LUC7L: variants seen among roughly 807,000 people sequenced by gnomAD.
The protein encoded by LUC7L is putative RNA-binding protein Luc7-like 1.
A neutral mutation model predicts 51.1 loss-of-function variants in LUC7L; 29 were observed. The ratio of observed to expected loss-of-function variants is 0.57; its 90% CI spans 0.42 to 0.77. The LOEUF (loss-of-function observed/expected upper bound fraction) is 0.77, where lower values mean the gene tolerates loss of function less well. Ranked by LOEUF, LUC7L falls within the 30% of genes least tolerant of loss-of-function variation. The probability of loss-of-function intolerance (pLI) is 0.00; values close to 1 mark genes in which losing one functional copy is unlikely to be tolerated. For synonymous variants in LUC7L, 181 were observed against 180.7 expected (o/e 1.00, Z -0.01); for missense variants, 403 against 511.9 (o/e 0.79, Z 2.05).
At chr16:228,865 G>C in intron 1 of LUC7L, 1 of 1,303,772 alleles carries the variant, frequency 7.7e-7, no homozygotes, top group South Asian at 1.2e-5. Context: ...AGGCCCATCC[G>C]GCTCCCTCGG....
At chr16:222,174 T>C (rs545446874) in intron 2 of LUC7L, among the ~76,000 whole-genome samples, 2 of 152,224 alleles carry the variant, frequency 1.3e-5, no homozygotes, top group Non-Finnish European at 2.9e-5. Flanking sequence ...TAGGACTCTA[T>C]GCAGACACCT....
intron 4 of LUC7L, 69 bp downstream of exon 4, chr16:208,008 CA>C (rs1023184971): frequency 0.012 from 11,179 of 938,278 alleles, no homozygotes; most frequent in South Asian, 0.013. Flanking sequence ...GACTCCATCT[CA>C]AAAAAAAAAG....
At chr16:228,123 T>A in intron 1 of LUC7L, 2 of 1,140,806 alleles carry the variant, frequency 1.8e-6, no homozygotes, top group Non-Finnish European at 2.2e-6. Context: ...TAAAGTGGTA[T>A]GTGACAAATT....
chr16:214,578 G>A (rs1439855451), intron 3 of LUC7L, among the ~76,000 whole-genome samples: 2 of 152,290 alleles, frequency 1.3e-5, no homozygotes, highest in African/African-American at 4.8e-5. Context: ...CCAGGCTGGA[G>A]CACAGTGGTG....
intron 5 of LUC7L, 123 bp from the exon 6 acceptor site, chr16:199,361 CACAA>C (rs975017866): frequency 1.4e-4 from 89 of 654,258 alleles, no homozygotes; most frequent in Admixed American, 1.2e-3. Context: ...ATTAAAAAAA[CACAA>C]ACAAAACTTC....
chr16:199,390 A>C, intron 5 of LUC7L, 152 bp from the exon 6 acceptor site: 1 of 611,194 alleles, frequency 1.6e-6, no homozygotes, highest in South Asian at 2.2e-5. Flanking sequence ...ATTTATAACC[A>C]ACTCAATTTT....
chr16:190,244 C>T, intron 8 of LUC7L, 109 bp from the exon 9 acceptor site: 3 of 992,100 alleles, frequency 3.0e-6, no homozygotes, highest in Non-Finnish European at 4.4e-6. Flanking sequence ...TTCTCCTTTA[C>T]TCCCACAAAT....
chr16:190,565 C>T lies in LUC7L; in HGVS notation c.782G>A (p.Gly261Glu), dbSNP rs1262709434. 2 of 1,613,340 alleles carry T rather than the reference C, an allele frequency of 1.2e-6. No homozygotes were observed. Among genetic ancestry groups the T allele is most frequent in the Admixed American group, 3.3e-5 (2 of 60,008 alleles). Reference sequence around the variant, plus strand: ...CCTCCTGCGATCTCTGGTTCTTGATCCCGACCTAAAAGGGGGAAAAAAAGA... The same window carrying T: ...CCTCCTGCGATCTCTGGTTCTTGATTCCGACCTAAAAGGGGGAAAAAAAGA... ...EREERLSRRS[G>E]SRTRDRRRSR... The change falls in exon 8 of 10, where the codon GGA becomes GAA. Residue 261 changes from glycine (G) to glutamate (E), a missense_variant. Transcript: ENST00000293872.
rs577361208 is a variant in LUC7L at position 198,243 on chromosome 16, C to T, written c.687+819G>A. ...GCAGTAAGCCGAGATTGGGCCACTG[C>T]ACTCCAGCCTGGGCGACAGAGCGAG... On this transcript the variant is annotated intron_variant, in intron 6 of 9. Transcript: ENST00000293872. Among the ~76,000 whole-genome samples, 222 of 126,208 alleles carry T rather than the reference C, an allele frequency of 1.8e-3. 1 individual carries two copies. Among genetic ancestry groups the T allele is most frequent in the Non-Finnish European group, 1.3e-3 (81 of 63,948 alleles). 82.8% of individuals were successfully genotyped at this position (126,208 alleles called of 152,430 possible).
chr16:200,416 G>GAAA (rs577587041), intron 5 of LUC7L, among the ~76,000 whole-genome samples: 34 of 119,112 alleles, frequency 2.9e-4, no homozygotes, highest in South Asian at 8.4e-4. Flanking sequence ...CGTCTCAAAA[G>GAAA]AAAAAAAAAA....
chr16:227,790 G>T lies in LUC7L; in HGVS notation c.62-454C>A, dbSNP rs564718116. The T allele has an allele frequency of 1.6e-5, 16 of 998,566 alleles. No homozygotes were observed. The East Asian group carries it at 1.3e-3, about 84-fold the overall frequency. 61.9% of individuals were successfully genotyped at this position (998,566 alleles called of 1,614,324 possible). ...CAGAGGCAGTATTTTGCCCAAAATT[G>T]AATGAAGAAGAAAGCTTTCAAACTC... is the stretch of plus-strand genomic sequence containing the variant. On this transcript the variant is annotated intron_variant, in intron 1 of 9. Coordinates refer to ENST00000293872, the MANE Select transcript of LUC7L (RefSeq NM_201412.3).
chr16:190,092 A>T lies in LUC7L; in HGVS notation c.850T>A (p.Ser284Thr). ...CGGGACAATTTCCGTCGCTCTCGGG[A>T]GGTAGATCTTGACCGCCTCCGACGC... ...DRRRRRSRST[S>T]RERRKLSRSR... The change falls in exon 9 of 10, where the codon TCC becomes ACC. Residue 284 changes from serine (S) to threonine (T), a missense_variant. Ser to Thr is a moderately conservative substitution (Grantham distance 58). Around this residue, in one of 3 missense-constraint regions of LUC7L, gnomAD observed 206 missense variants for 218.3 expected, o/e 0.94. Transcript: ENST00000293872. 6.2e-7 allele frequency: 1 copy of T among 1,612,996 alleles called. No individual in the cohort carries two copies.
At chr16:217,903 G>T (rs2049851854) in intron 3 of LUC7L, among the ~76,000 whole-genome samples, 1 of 151,586 alleles carries the variant, frequency 6.6e-6, no homozygotes, top group African/African-American at 2.4e-5. Flanking sequence ...GCTGGGCGTG[G>T]TGGCGGGTGC....
At chr16:194,770 C>T (rs947981669) in intron 6 of LUC7L, among the ~76,000 whole-genome samples, 4 of 152,108 alleles carry the variant, frequency 2.6e-5, no homozygotes, top group African/African-American at 4.8e-5. Context: ...TGAGAAACCT[C>T]GCCAATGAAA....
intron 3 of LUC7L, among the ~76,000 whole-genome samples, chr16:213,473 C>T (rs1447097640): frequency 6.6e-6 from 1 of 152,140 alleles, no homozygotes; most frequent in Non-Finnish European, 1.5e-5. Flanking sequence ...CATCTGAGCT[C>T]ACTGCAACCT....
At chr16:212,618 G>C (rs2049675797) in intron 3 of LUC7L, among the ~76,000 whole-genome samples, 1 of 152,068 alleles carries the variant, frequency 6.6e-6, no homozygotes. Context: ...GTCTCATGTG[G>C]TATATTAAAA....
At chr16:190,596 A>G in intron 7 of LUC7L, 26 bp from the exon 8 acceptor site, 1 of 1,611,574 alleles carries the variant, frequency 6.2e-7, no homozygotes, top group Non-Finnish European at 8.5e-7. Flanking sequence ...AAAGATGAAC[A>G]AGGCCAGGCA....
At chr16:221,018 A>G (rs1216387787) in intron 2 of LUC7L, among the ~76,000 whole-genome samples, 1 of 152,032 alleles carries the variant, frequency 6.6e-6, no homozygotes, top group Non-Finnish European at 1.5e-5. Flanking sequence ...TCACAACTAC[A>G]TTAATTGGCT....
At chr16:197,939 C>CTTTGCATT (rs1375410248) in intron 6 of LUC7L, among the ~76,000 whole-genome samples, 2 of 152,102 alleles carry the variant, frequency 1.3e-5, no homozygotes, top group East Asian at 3.9e-4. Context: ...AGTGGAAATA[C>CTTTGCATT]GTCCAACCTT....
Sources: allele counts gnomAD v4.1 joint callset (sites outside exome capture counted in the v4.1 genomes callset), GRCh38; gene constraint gnomAD v4.1.1; regional missense constraint gnomAD v4.1.1; transcripts MANE v1.5; gene names NCBI Gene and HGNC (gene_info 2026-07-23, HGNC 2026-07-21).